Variants in C11orf58 observed in about 807,000 individuals in gnomAD.
C11orf58 encodes chromosome 11 open reading frame 58, also known as small acidic protein.
Under a neutral mutation model 22.7 loss-of-function variants are expected in C11orf58, and 5 were observed. That is an observed-to-expected ratio of 0.22 (90% CI 0.12 to 0.46). The LOEUF (loss-of-function observed/expected upper bound fraction) is 0.46, where lower values mean the gene tolerates loss of function less well. Ranked by LOEUF, C11orf58 falls within the 20% of genes least tolerant of loss-of-function variation. The pLI, the probability that C11orf58 is intolerant of heterozygous loss-of-function variation, is 0.99. For synonymous variants in C11orf58, 71 were observed against 70.7 expected (o/e 1.00, Z -0.02); for missense variants, 151 against 223.3 (o/e 0.68, Z 2.06).
At position 16,738,670 on chromosome 11, in the gene C11orf58, C is replaced by T. The variant is rs138357381; in HGVS notation, c.-109C>T. 2 of 1,244,154 alleles carry T rather than the reference C, an allele frequency of 1.6e-6. No homozygotes were observed. Among genetic ancestry groups the T allele is most frequent in the East Asian group, 4.7e-5 (2 of 42,882 alleles). 77.1% of individuals were successfully genotyped at this position (1,244,154 alleles called of 1,614,324 possible). On this transcript the variant is annotated 5_prime_UTR_variant, in exon 1 of 5. Transcript: ENST00000228136. ...GCAGAGAAGGCCCGGAGGGGCTCTGCGTTCTGTAGTGGCGCTGCTTGGGCC... is the reference window on the plus strand; with the variant it reads ...GCAGAGAAGGCCCGGAGGGGCTCTGTGTTCTGTAGTGGCGCTGCTTGGGCC...
intron 1 of C11orf58, among the ~76,000 whole-genome samples, chr11:16,741,116 T>C (rs1307189198): frequency 7.2e-6 from 1 of 138,802 alleles, no homozygotes; most frequent in Admixed American, 7.4e-5. Flanking sequence ...AAAAAAAATC[T>C]AGTTATAATA....
intron 1 of C11orf58, among the ~76,000 whole-genome samples, chr11:16,742,954 A>G (rs1290657726): frequency 6.6e-6 from 1 of 152,098 alleles, no homozygotes; most frequent in Non-Finnish European, 1.5e-5. Flanking sequence ...TCAGCCTTCC[A>G]TATACTTGGG....
chr11:16,754,108 TC>T (rs34665109), intron 4 of C11orf58: 72,267 of 401,428 alleles, frequency 0.18, 7,613 homozygotes, highest in Admixed American at 0.31. Flanking sequence ...TTCAGTTGTT[TC>T]CTAAGTGATC....
chr11:16,757,768 C>G lies in C11orf58; in HGVS notation c.*2664C>G, dbSNP rs1291929881. Among the ~76,000 whole-genome samples the G allele has an allele frequency of 6.6e-6, 1 of 152,168 alleles. No homozygotes were observed. Reference sequence around the variant, plus strand: ...CCAAGTGTTTACTTGTATCCATGACCTAACCGTCTATTGAAAAGAATGTTT... The same window carrying G: ...CCAAGTGTTTACTTGTATCCATGACGTAACCGTCTATTGAAAAGAATGTTT... On this transcript the variant is annotated 3_prime_UTR_variant, in exon 5 of 5. Transcript: ENST00000228136.
At chr11:16,748,219 A>G in intron 3 of C11orf58, 62 bp downstream of exon 3, 1 of 1,339,222 alleles carries the variant, frequency 7.5e-7, no homozygotes, top group Non-Finnish European at 1.1e-6. Context: ...GTATGTGTTC[A>G]TGTTTCAGGA....
chr11:16,753,762 G>C (rs898021035), intron 4 of C11orf58: 1 of 398,462 alleles, frequency 2.5e-6, no homozygotes, highest in African/African-American at 2.1e-5. Context: ...TTTGAGACAG[G>C]TTCTCACTCT....
At chr11:16,754,315 A>G (rs4757430) in intron 4 of C11orf58, among the ~76,000 whole-genome samples, 46,877 of 151,234 alleles carry the variant, frequency 0.31, 8,751 homozygotes, top group Non-Finnish European at 0.42. Context: ...TGATCTTCAG[A>G]GCACCTCCCC....
intron 1 of C11orf58, 53 bp from the exon 2 acceptor site, chr11:16,744,548 C>T (rs898964017): frequency 8.4e-6 from 12 of 1,436,150 alleles, no homozygotes; most frequent in African/African-American, 4.3e-5. Flanking sequence ...CTTTAGATTT[C>T]GTAATACTTA....
rs1848582345 is a variant in C11orf58, at chr11:16,756,826, T to G, written c.*1722T>G. The G allele has an allele frequency of 6.8e-6, 1 of 147,200 alleles. No homozygotes were observed. The highest frequency in any genetic ancestry group is 1.5e-5 in the Non-Finnish European group (1 of 67,414). The allele number at this position is 147,200 out of a possible 1,614,324, so 9.1% of individuals were successfully genotyped here. A position where few individuals can be genotyped will look rare whatever the true frequency, so the allele number is the denominator to read the frequency against. On this transcript the variant is annotated 3_prime_UTR_variant, in exon 5 of 5. Transcript: ENST00000228136. ...AGGAGGCTGAGGCAGGAGAATCACT[T>G]GAACCCAGGAAGCGGAGGTTGCAGT...
chr11:16,739,382 C>T (rs1848425574), intron 1 of C11orf58: 1 of 156,944 alleles, frequency 6.4e-6, no homozygotes, highest in African/African-American at 2.4e-5. Flanking sequence ...TTGGTACTGG[C>T]TCTGGTGGTG....
chr11:16,753,947 G>A lies in C11orf58; in HGVS notation c.319-924G>A, dbSNP rs917286541. 28 of 557,026 alleles carry A rather than the reference G, an allele frequency of 5.0e-5. No homozygotes were observed. In the East Asian group the frequency reaches 5.8e-4, roughly 11 times the overall value. The allele number at this position is 557,026 out of a possible 1,614,324, so 34.5% of individuals were successfully genotyped here. A position where few individuals can be genotyped will look rare whatever the true frequency, so the allele number is the denominator to read the frequency against. Reference sequence around the variant, plus strand: ...ACTCCTGGGTTCAAGCGATCTTTCCGCCTTCCAAAGTGCTGGAACTACAGG... The same window carrying A: ...ACTCCTGGGTTCAAGCGATCTTTCCACCTTCCAAAGTGCTGGAACTACAGG... On this transcript the variant is annotated intron_variant, in intron 4 of 4. Coordinates refer to ENST00000228136, the MANE Select transcript of C11orf58 (RefSeq NM_014267.6).
rs1848567427 is a variant in C11orf58, at chr11:16,755,238, T to C, written c.*134T>C. The C allele has an allele frequency of 1.2e-5, 12 of 1,012,596 alleles. No individual in the cohort carries two copies. Among genetic ancestry groups the C allele is most frequent in the Non-Finnish European group, 1.7e-5 (12 of 693,874 alleles). 62.7% of individuals were successfully genotyped at this position (1,012,596 alleles called of 1,614,324 possible). On this transcript the variant is annotated 3_prime_UTR_variant, in exon 5 of 5. Coordinates refer to ENST00000228136, the MANE Select transcript of C11orf58 (RefSeq NM_014267.6). ...CTTTTAAATAATTACAAAGAGTGTTTGCTTTCAAATGCCATGGGTTACACT... is the reference window on the plus strand; with the variant it reads ...CTTTTAAATAATTACAAAGAGTGTTCGCTTTCAAATGCCATGGGTTACACT...
At chr11:16,740,471 G>A (rs985273098) in intron 1 of C11orf58, among the ~76,000 whole-genome samples, 6 of 151,966 alleles carry the variant, frequency 3.9e-5, no homozygotes, top group Non-Finnish European at 8.8e-5. Flanking sequence ...CGATCGATCA[G>A]TGCTCCCTGC....
At position 16,738,711 on chromosome 11, in the gene C11orf58, G is replaced by T; in HGVS notation, c.-68G>T. Reference sequence around the variant, plus strand: ...TGCTTGGGCCCTTGGCGGATTGTAAGCTGCTGGTTTTGCGGCTGGGAAGAG... The same window carrying T: ...TGCTTGGGCCCTTGGCGGATTGTAATCTGCTGGTTTTGCGGCTGGGAAGAG... On this transcript the variant is annotated 5_prime_UTR_variant, in exon 1 of 5. Transcript: ENST00000228136. The T allele has an allele frequency of 6.4e-7, 1 of 1,559,770 alleles. No homozygotes were observed. The highest frequency in any genetic ancestry group is 8.8e-7 in the Non-Finnish European group (1 of 1,132,142).
At chr11:16,752,613 A>T (rs560348606) in intron 3 of C11orf58, 172 bp from the exon 4 acceptor site, 7 of 412,800 alleles carry the variant, frequency 1.7e-5, no homozygotes, top group African/African-American at 1.4e-4. Context: ...TCTCAACATC[A>T]GGCATTTTAT....
At chr11:16,752,069 G>A (rs1848537731) in intron 3 of C11orf58, 1 of 152,752 alleles carries the variant, frequency 6.5e-6, no homozygotes, top group Non-Finnish European at 1.5e-5. Flanking sequence ...GAGTAGACTG[G>A]ACATAAGCAA....
At chr11:16,740,989 G>C (rs1848443179) in intron 1 of C11orf58, among the ~76,000 whole-genome samples, 1 of 151,738 alleles carries the variant, frequency 6.6e-6, no homozygotes, top group Admixed American at 6.6e-5. Context: ...CCAGCTACTA[G>C]GGAGGCTGAG....
intron 3 of C11orf58, 27 bp from the exon 4 acceptor site, chr11:16,752,758 C>A: frequency 6.7e-7 from 1 of 1,491,432 alleles, no homozygotes; most frequent in Non-Finnish European, 9.3e-7. Context: ...TTGACTGAAA[C>A]ATAACTAAAG....
chr11:16,756,953 A>T lies in C11orf58; in HGVS notation c.*1849A>T, dbSNP rs1347816993. On this transcript the variant is annotated 3_prime_UTR_variant, in exon 5 of 5. Coordinates refer to ENST00000228136, the MANE Select transcript of C11orf58 (RefSeq NM_014267.6). ...ATTTAGAATGTGTTAGAGAAATTTAACAAGTAGAACAGGTGATTTCTGGTT... is the reference window on the plus strand; with the variant it reads ...ATTTAGAATGTGTTAGAGAAATTTATCAAGTAGAACAGGTGATTTCTGGTT... The T allele has an allele frequency of 6.6e-6, 1 of 152,076 alleles. No homozygotes were observed. Among genetic ancestry groups the T allele is most frequent in the South Asian group, 2.1e-4 (1 of 4,822 alleles). 9.4% of individuals were successfully genotyped at this position (152,076 alleles called of 1,614,324 possible).
Sources: allele counts gnomAD v4.1 joint callset (sites outside exome capture counted in the v4.1 genomes callset), GRCh38; gene constraint gnomAD v4.1.1; transcripts MANE v1.5; gene names NCBI Gene and HGNC (gene_info 2026-07-23, HGNC 2026-07-21).